CAMTA1: variants seen among roughly 807,000 people sequenced by gnomAD.
CAMTA1 encodes calmodulin binding transcription activator 1.
CAMTA1 carries 27 observed loss-of-function variants against 170.9 expected under a neutral mutation model. The observed-to-expected ratio is 0.16, with a 90% confidence interval of 0.12 to 0.22. The LOEUF is 0.22. CAMTA1 is among the 10% of genes least tolerant of loss of function. The pLI is 1.00. For missense variants in CAMTA1, 1,619 were observed against 2,217.2 expected, an observed-to-expected ratio of 0.73 and a Z score of 5.42; for synonymous variants, 833 against 891.5, an observed-to-expected ratio of 0.93 and a Z score of 1.17.
At chr1:7,540,267 C>A (rs902441827) in intron 6 of CAMTA1, among the ~76,000 whole-genome samples, 2 of 152,080 alleles carry the variant, frequency 1.3e-5, no homozygotes, top group African/African-American at 2.4e-5. Flanking sequence ...ATGGAAGACA[C>A]GTAGGAATTC....
At chr1:7,663,309 T>C in intron 8 of CAMTA1, 44 bp from the exon 9 acceptor site, 1 of 1,512,790 alleles carries the variant, frequency 6.6e-7, no homozygotes, top group Non-Finnish European at 8.9e-7. Flanking sequence ...TGTGCACATG[T>C]GTGCCTGCGT....
rs201419867 is a variant in CAMTA1, at chr1:7,493,063, G to A, written c.510+25162G>A. Among the ~76,000 whole-genome samples, 31 of 77,948 alleles carry A rather than the reference G, an allele frequency of 4.0e-4. 2 individuals carry two copies. Among genetic ancestry groups the A allele is most frequent in the East Asian group, 3.4e-3 (12 of 3,562 alleles). 51.1% of individuals were successfully genotyped at this position (77,948 alleles called of 152,430 possible). On this transcript the variant is annotated intron_variant, in intron 6 of 22. Transcript: ENST00000303635. ...AACACAAACCTACATACACACGCGCGCACACACACAGACATACAAACGTGA... is the reference window on the plus strand; with the variant it reads ...AACACAAACCTACATACACACGCGCACACACACACAGACATACAAACGTGA...
intron 1 of CAMTA1, among the ~76,000 whole-genome samples, chr1:6,789,780 T>A (rs1006531078): frequency 2.0e-5 from 3 of 151,788 alleles, no homozygotes; most frequent in Admixed American, 1.3e-4. Context: ...GTTAGCCTTT[T>A]ATATTAATGA....
intron 6 of CAMTA1, among the ~76,000 whole-genome samples, chr1:7,503,282 C>T (rs2094040337): frequency 6.6e-6 from 1 of 152,182 alleles, no homozygotes; most frequent in African/African-American, 2.4e-5. Flanking sequence ...GGCCCTCCCG[C>T]CTGGGTTTTT....
At chr1:7,149,694 C>A (rs761686810) in intron 4 of CAMTA1, among the ~76,000 whole-genome samples, 1 of 152,318 alleles carries the variant, frequency 6.6e-6, no homozygotes, top group Admixed American at 6.5e-5. Context: ...TCTCCAAGCA[C>A]GGCCGTCCCT....
intron 3 of CAMTA1, among the ~76,000 whole-genome samples, chr1:6,941,730 C>T (rs1036669747): frequency 2.0e-5 from 3 of 152,238 alleles, no homozygotes; most frequent in African/African-American, 7.2e-5. Context: ...CACTTCTGGG[C>T]AGTCCTGCAG....
intron 4 of CAMTA1, among the ~76,000 whole-genome samples, chr1:7,207,580 G>C (rs1343768295): frequency 6.6e-6 from 1 of 152,122 alleles, no homozygotes; most frequent in African/African-American, 2.4e-5. Flanking sequence ...CCTCTAATGG[G>C]TGGATCTAGG....
At chr1:7,200,715 T>C (rs992691266) in intron 4 of CAMTA1, among the ~76,000 whole-genome samples, 1 of 152,130 alleles carries the variant, frequency 6.6e-6, no homozygotes, top group African/African-American at 2.4e-5. Flanking sequence ...ATCAGGAGAT[T>C]TGCGCATTGC....
intron 7 of CAMTA1, among the ~76,000 whole-genome samples, chr1:7,655,408 CTA>C (rs1491095349): frequency 1.3e-5 from 1 of 79,642 alleles, no homozygotes; most frequent in Non-Finnish European, 2.7e-5. Context: ...ATACACCCAC[CTA>C]TACACACACA....
At chr1:7,386,475 G>T (rs1242614363) in intron 5 of CAMTA1, among the ~76,000 whole-genome samples, 1 of 152,218 alleles carries the variant, frequency 6.6e-6, no homozygotes, top group Non-Finnish European at 1.5e-5. Flanking sequence ...TCCAGCCATG[G>T]CTGGGCCCTC....
At chr1:6,804,723 T>C (rs1644314932) in intron 1 of CAMTA1, among the ~76,000 whole-genome samples, 1 of 152,086 alleles carries the variant, frequency 6.6e-6, no homozygotes. Flanking sequence ...TTAAAAAATT[T>C]TAAATTTAAT....
In CAMTA1 at chr1:7,642,488, C is replaced by T. The variant is rs185474296; in HGVS notation, c.664+1935C>T. On this transcript the variant is annotated intron_variant, in intron 7 of 22. Coordinates refer to ENST00000303635, the MANE Select transcript of CAMTA1 (RefSeq NM_015215.4). This position sits in a 1 kb window ranked among gnomAD's most constrained non-coding sequence, Gnocchi z 6.3. ...GCTGCGGGCCCTGCTGTCAGGCCCG[C>T]CTGCCTGCCTTCGTACTCAGTACAT... 2.6e-4 allele frequency among the ~76,000 whole-genome samples: 39 copies of T among 152,268 alleles called. No individual in the cohort carries two copies. The highest frequency in any genetic ancestry group is 8.7e-4 in the African/African-American group (36 of 41,556).
intron 5 of CAMTA1, among the ~76,000 whole-genome samples, chr1:7,379,253 T>C (rs183502544): frequency 6.6e-6 from 1 of 152,390 alleles, no homozygotes; most frequent in African/African-American, 2.4e-5. Context: ...CATGTGTTTT[T>C]CTAACTTAGC....
intron 11 of CAMTA1, among the ~76,000 whole-genome samples, chr1:7,722,331 C>T (rs888501808): frequency 2.0e-5 from 3 of 152,130 alleles, no homozygotes; most frequent in South Asian, 2.1e-4. Context: ...GAACCCCTGT[C>T]AGAGAAAGAG....
intron 4 of CAMTA1, among the ~76,000 whole-genome samples, chr1:7,108,269 C>T (rs577777635): frequency 5.3e-5 from 8 of 152,242 alleles, no homozygotes; most frequent in South Asian, 4.2e-4. Flanking sequence ...ACCTTCTCAC[C>T]GTGCCTCAGT....
At chr1:6,891,401 A>T (rs2149136715) in intron 3 of CAMTA1, among the ~76,000 whole-genome samples, 1 of 152,258 alleles carries the variant, frequency 6.6e-6, no homozygotes, top group Non-Finnish European at 1.5e-5. Flanking sequence ...TCCATTGTAG[A>T]TGTGTTGGCA....
At chr1:7,156,865 G>A (rs959098592) in intron 4 of CAMTA1, among the ~76,000 whole-genome samples, 7 of 151,922 alleles carry the variant, frequency 4.6e-5, no homozygotes, top group Non-Finnish European at 8.8e-5. Context: ...CACTACCACC[G>A]CCATACTCAC....
At chr1:6,916,389 C>T (rs988332081) in intron 3 of CAMTA1, among the ~76,000 whole-genome samples, 4 of 152,148 alleles carry the variant, frequency 2.6e-5, no homozygotes, top group Non-Finnish European at 5.9e-5. Context: ...CCTGTAAGGC[C>T]CGCCCCACCT....
chr1:7,258,129 G>A (rs1411837002), intron 5 of CAMTA1, among the ~76,000 whole-genome samples: 2 of 152,182 alleles, frequency 1.3e-5, no homozygotes, highest in African/African-American at 4.8e-5. Flanking sequence ...CTGCAACCTG[G>A]AGAAATTCAA....
Sources: gnomAD v4.1 joint callset for allele counts (sites outside exome capture counted in the v4.1 genomes callset) on GRCh38, gnomAD v4.1.1 for gene constraint, Gnocchi (gnomAD v3.1) non-coding constraint, MANE v1.5 for transcripts, NCBI Gene and HGNC (gene_info 2026-07-23, HGNC 2026-07-21) for gene names.